The following GRIA3 variants were observed in gnomAD, a reference collection of about 807,000 sequenced individuals.
GRIA3 encodes glutamate ionotropic receptor AMPA type subunit 3.
GRIA3 carries 3 observed loss-of-function variants against 63.0 expected under a neutral mutation model. The ratio of observed to expected loss-of-function variants is 0.05; its 90% CI spans 0.02 to 0.12. The LOEUF (loss-of-function observed/expected upper bound fraction) is 0.12. GRIA3 is among the 10% of genes least tolerant of loss of function. The probability of loss-of-function intolerance (pLI) is 1.00; values close to 1 mark genes in which losing one functional copy is unlikely to be tolerated. For synonymous variants in GRIA3, 274 were observed against 257.9 expected, an observed-to-expected ratio of 1.06 and a Z score of -0.60; for missense variants, 347 against 700.9, an observed-to-expected ratio of 0.50 and a Z score of 5.70.
intron 5 of GRIA3, among the ~76,000 whole-genome samples, chrX:123,387,203 T>C (rs965100423): frequency 2.7e-5 from 3 of 111,697 alleles, no homozygotes; most frequent in African/African-American, 6.5e-5. Flanking sequence ...CAGTAGCTAC[T>C]GTAAATGGGA....
At chrX:123,254,103 A>G (rs1460452886) in intron 3 of GRIA3, among the ~76,000 whole-genome samples, 1 of 111,779 alleles carries the variant, frequency 8.9e-6, no homozygotes, top group Admixed American at 9.5e-5. Flanking sequence ...TGAGTGAGAC[A>G]GCTAAACTGG....
At chrX:123,226,810 G>C (rs1220321654) in intron 2 of GRIA3, among the ~76,000 whole-genome samples, 2 of 111,748 alleles carry the variant, frequency 1.8e-5, no homozygotes, top group Non-Finnish European at 3.8e-5. Flanking sequence ...AGTCATTCTT[G>C]TATGCAGTTC....
intron 5 of GRIA3, among the ~76,000 whole-genome samples, chrX:123,394,224 T>A (rs2045401031): frequency 9.0e-6 from 1 of 110,586 alleles, no homozygotes; most frequent in South Asian, 3.9e-4. Context: ...TGGGAGGGCA[T>A]GGTGGCATGC....
intron 11 of GRIA3, among the ~76,000 whole-genome samples, chrX:123,419,925 A>G (rs1426983959): frequency 9.0e-6 from 1 of 111,652 alleles, no homozygotes; most frequent in Non-Finnish European, 1.9e-5. Context: ...CTGATCGTAC[A>G]CTTGTATTGG....
chrX:123,467,273 G>C (rs774110770), intron 13 of GRIA3, among the ~76,000 whole-genome samples: 2 of 112,284 alleles, frequency 1.8e-5, no homozygotes, highest in Non-Finnish European at 3.8e-5. Flanking sequence ...AACGTTAGAG[G>C]CTGCTTCCCT....
intron 12 of GRIA3, among the ~76,000 whole-genome samples, chrX:123,435,920 T>C (rs1437008180): frequency 8.9e-6 from 1 of 111,937 alleles, no homozygotes; most frequent in Non-Finnish European, 1.9e-5. Context: ...ACTGTCCTTA[T>C]GGGGTTGGTG....
chrX:123,486,905 C>T (rs1012972662), intron 15 of GRIA3, among the ~76,000 whole-genome samples: 2 of 112,143 alleles, frequency 1.8e-5, no homozygotes, highest in East Asian at 2.8e-4. Context: ...AAAAATGACT[C>T]AGGGCAAATC....
chrX:123,396,078 C>T (rs1001617616), intron 6 of GRIA3, among the ~76,000 whole-genome samples: 4 of 108,802 alleles, frequency 3.7e-5, no homozygotes, highest in Non-Finnish European at 5.7e-5. Context: ...TGGTAGCATG[C>T]GCCTGTAATC....
At chrX:123,299,017 T>C (rs5911575) in intron 3 of GRIA3, among the ~76,000 whole-genome samples, 29,226 of 110,283 alleles carry the variant, frequency 0.27, 3,502 homozygotes, top group Middle Eastern at 0.43. Flanking sequence ...GTCAGGTTTG[T>C]CGAAGATCAG....
chrX:123,265,554 TGAAGAG>T (rs927943392), intron 3 of GRIA3, among the ~76,000 whole-genome samples: 2 of 111,931 alleles, frequency 1.8e-5, no homozygotes, highest in African/African-American at 6.5e-5. Flanking sequence ...TTAAGTAGGC[TGAAGAG>T]GAAGAGGAAG....
At chrX:123,230,322 T>TA (rs1416195088) in intron 2 of GRIA3, among the ~76,000 whole-genome samples, 2 of 112,272 alleles carry the variant, frequency 1.8e-5, no homozygotes, top group Non-Finnish European at 3.8e-5. Flanking sequence ...TAATGGAAAC[T>TA]AACCCATCTT....
chrX:123,264,877 T>C (rs2044479297), intron 3 of GRIA3, among the ~76,000 whole-genome samples: 1 of 111,827 alleles, frequency 8.9e-6, no homozygotes, highest in South Asian at 3.7e-4. Flanking sequence ...GTTAAGGGTG[T>C]TGAAGAAAAG....
chrX:123,465,802 TCAC>T, intron 13 of GRIA3: 1 of 1,088,407 alleles, frequency 9.2e-7, no homozygotes, highest in Non-Finnish European at 1.3e-6. Flanking sequence ...AGCCTCAATG[TCAC>T]CACAACCGGG....
intron 5 of GRIA3, among the ~76,000 whole-genome samples, chrX:123,389,832 A>T (rs747223608): frequency 9.1e-6 from 1 of 110,260 alleles, no homozygotes; most frequent in Admixed American, 9.7e-5. Flanking sequence ...CAGCCTCCCA[A>T]GTAGCTGGGA....
chrX:123,268,432 C>T (rs1227426525), intron 3 of GRIA3, among the ~76,000 whole-genome samples: 1 of 109,076 alleles, frequency 9.2e-6, no homozygotes, highest in African/African-American at 3.3e-5. Context: ...CAAAGCTACC[C>T]ATTCTCTTCC....
chrX:123,387,998 G>T (rs983349453), intron 5 of GRIA3, among the ~76,000 whole-genome samples: 1 of 112,110 alleles, frequency 8.9e-6, no homozygotes, highest in Non-Finnish European at 1.9e-5. Flanking sequence ...AGTTTGAGGA[G>T]AATTGGTATT....
At chrX:123,403,327 T>C (rs939296985) in intron 8 of GRIA3, 85 bp from the exon 9 acceptor site, 40 of 699,427 alleles carry the variant, frequency 5.7e-5, no homozygotes, top group Non-Finnish European at 8.4e-5. Flanking sequence ...TCAAGAAAGT[T>C]TTGTTCCACA....
At chrX:123,291,866 G>A (rs138670523) in intron 3 of GRIA3, among the ~76,000 whole-genome samples, 2,236 of 110,785 alleles carry the variant, frequency 0.02, 59 homozygotes, top group African/African-American at 0.07. Flanking sequence ...GGCAACAAAC[G>A]ATGCCTGCCA....
intron 2 of GRIA3, among the ~76,000 whole-genome samples, chrX:123,244,104 T>C (rs986216945): frequency 8.9e-6 from 1 of 112,818 alleles, no homozygotes; most frequent in Non-Finnish European, 1.9e-5. Context: ...ATACATGCCA[T>C]GTAATTGCAA....
Sources: gnomAD v4.1 joint callset for allele counts (sites outside exome capture counted in the v4.1 genomes callset) on GRCh38, gnomAD v4.1.1 for gene constraint, MANE v1.5 for transcripts, NCBI Gene and HGNC (gene_info 2026-07-23, HGNC 2026-07-21) for gene names.